GATB: variants seen among roughly 807,000 people sequenced by gnomAD.
GATB encodes glutamyl-tRNA amidotransferase subunit B.
Under a neutral mutation model 62.3 loss-of-function variants are expected in GATB, and 39 were observed. The observed-to-expected ratio is 0.63, with a 90% CI of 0.48 to 0.82. The LOEUF (loss-of-function observed/expected upper bound fraction) is 0.82. Ranked by LOEUF, GATB falls within the 40% of genes least tolerant of loss-of-function variation. GATB has a pLI of 0.00. For synonymous variants in GATB, 276 were observed against 258.9 expected, an observed-to-expected ratio of 1.07 and a Z score of -0.63; for missense variants, 670 against 684.0, an observed-to-expected ratio of 0.98 and a Z score of 0.23.
intron 2 of GATB, among the ~76,000 whole-genome samples, chr4:151,732,157 C>T (rs1420567215): frequency 6.6e-6 from 1 of 151,756 alleles, no homozygotes; most frequent in African/African-American, 2.4e-5. Flanking sequence ...GGCGCCTCTG[C>T]CCGGCCACCC....
In GATB at chr4:151,758,942, G is replaced by T; in HGVS notation, c.177-20C>A. 1 of 1,555,048 alleles carries T rather than the reference G, an allele frequency of 6.4e-7. No individual in the cohort carries two copies. Among genetic ancestry groups the T allele is most frequent in the Non-Finnish European group, 8.7e-7 (1 of 1,146,580 alleles). The stretch of plus-strand genomic sequence containing the variant: ...TGTTCACTAAGAAGAAAGAGATAAT[G>T]GTTAAGATGTATTATATTTGTCACC... On this transcript the variant is annotated intron_variant, in intron 1 of 12. Coordinates refer to ENST00000263985, the MANE Select transcript of GATB (RefSeq NM_004564.3).
rs749877831 is a variant in GATB, at chr4:151,687,337, G to C, written c.1331+1293C>G. ...GAATACGGCATCTTCCCTCACCCCC[G>C]GCCTATAAAGTTTATTCCTTTTCCT... On this transcript the variant is annotated intron_variant, in intron 10 of 12. Transcript: ENST00000263985. Among the ~76,000 whole-genome samples, 7 of 152,162 alleles carry C rather than the reference G, an allele frequency of 4.6e-5. No homozygotes were observed. The East Asian group carries it at 1.4e-3, about 29-fold the overall frequency.
chr4:151,688,836 C>A, intron 9 of GATB, 73 bp from the exon 10 acceptor site: 1 of 1,448,782 alleles, frequency 6.9e-7, no homozygotes. Flanking sequence ...GAAGGCAAAT[C>A]TGAAACTGTC....
intron 2 of GATB, 60 bp from the exon 3 acceptor site, chr4:151,719,598 A>T: frequency 8.9e-7 from 1 of 1,129,244 alleles, no homozygotes; most frequent in Non-Finnish European, 1.3e-6. Context: ...TGCTTCTCCC[A>T]CACACTGACA....
intron 9 of GATB, among the ~76,000 whole-genome samples, chr4:151,699,137 C>G (rs1738549277): frequency 6.6e-6 from 1 of 152,278 alleles, no homozygotes; most frequent in South Asian, 2.1e-4. Context: ...CACCTGTAAT[C>G]CCAGCACTTT....
At chr4:151,750,190 A>T (rs1421533146) in intron 2 of GATB, among the ~76,000 whole-genome samples, 2 of 152,192 alleles carry the variant, frequency 1.3e-5, no homozygotes, top group Non-Finnish European at 2.9e-5. Context: ...CCCTAACTTA[A>T]GTTTTTTAAA....
At chr4:151,712,451 T>C (rs2126975289) in intron 5 of GATB, among the ~76,000 whole-genome samples, 1 of 151,916 alleles carries the variant, frequency 6.6e-6, no homozygotes, top group East Asian at 1.9e-4. Flanking sequence ...ACAGCAAAAC[T>C]AAAAAAAACT....
intron 2 of GATB, among the ~76,000 whole-genome samples, chr4:151,725,445 A>AT (rs1431241305): frequency 3.9e-5 from 6 of 152,202 alleles, no homozygotes; most frequent in African/African-American, 1.2e-4. Context: ...TTTTCTTTTG[A>AT]TAAATAAACA....
rs1354541137 is a variant in GATB, at chr4:151,671,204, C to T, written c.1644G>A (p.Lys548=). The change falls in exon 13 of 13, where the codon AAG becomes AAA. Residue 548 remains lysine, a synonymous_variant. Transcript: ENST00000263985. ...TQSRADPVMI[K]EILEKKLSL ...ATGACAGCTTCTTCTCCAGGATCTCCTTTATCATGACTGGATCTGCTCGGC... is the reference window on the plus strand; with the variant it reads ...ATGACAGCTTCTTCTCCAGGATCTCTTTTATCATGACTGGATCTGCTCGGC... The T allele has an allele frequency of 1.9e-6, 3 of 1,614,058 alleles. No homozygotes were observed. The Admixed American group carries it at 5.0e-5, about 27-fold the overall frequency.
intron 10 of GATB, among the ~76,000 whole-genome samples, chr4:151,684,547 C>G (rs1738205976): frequency 6.6e-6 from 1 of 152,360 alleles, no homozygotes; most frequent in South Asian, 2.1e-4. Context: ...AGTTTTGCAG[C>G]TACTGCCCTT....
chr4:151,745,451 G>C (rs997209173), intron 2 of GATB, among the ~76,000 whole-genome samples: 2 of 152,210 alleles, frequency 1.3e-5, no homozygotes, highest in Admixed American at 1.3e-4. Context: ...GAGTCGGAAT[G>C]CTGCAGATTT....
chr4:151,751,936 A>T (rs1024149500), intron 2 of GATB, among the ~76,000 whole-genome samples: 1 of 152,106 alleles, frequency 6.6e-6, no homozygotes, highest in Non-Finnish European at 1.5e-5. Flanking sequence ...CAACGGTCTC[A>T]TGGTAGAGCT....
intron 9 of GATB, among the ~76,000 whole-genome samples, chr4:151,700,755 T>C (rs1738586141): frequency 6.6e-6 from 1 of 152,200 alleles, no homozygotes; most frequent in African/African-American, 2.4e-5. Flanking sequence ...TTGAAAAGGA[T>C]GGAAAATCCC....
chr4:151,721,521 T>C (rs1323162177), intron 2 of GATB: 1 of 152,326 alleles, frequency 6.6e-6, no homozygotes, highest in African/African-American at 2.4e-5. Flanking sequence ...ACATAGCTGG[T>C]GGAGAATCCC....
At chr4:151,717,434 C>G (rs1354074846) in intron 3 of GATB, 2 of 240,428 alleles carry the variant, frequency 8.3e-6, no homozygotes, top group Non-Finnish European at 1.6e-5. Flanking sequence ...AGCTCATTAG[C>G]CTAAACTCTG....
intron 5 of GATB, among the ~76,000 whole-genome samples, chr4:151,713,661 T>C (rs1281603519): frequency 3.3e-5 from 5 of 152,198 alleles, no homozygotes; most frequent in Non-Finnish European, 2.9e-5. Context: ...CAGCTAGAAG[T>C]TGCAGGACAG....
chr4:151,708,051 G>T lies in GATB; in HGVS notation c.814C>A (p.Pro272Thr), dbSNP rs138617444. 3 of 1,614,012 alleles carry T rather than the reference G, an allele frequency of 1.9e-6. No individual in the cohort carries two copies. The highest frequency in any genetic ancestry group is 2.7e-5 in the African/African-American group (2 of 74,918). ...ANISVHHPGE[P>T]LGVRTEVKNL... ...TTCACTTCCGTTCGAACGCCCAAAG[G>T]CTCCCCAGGGTGATGCACGGATATA... Residue 272 changes from proline (P) to threonine (T), a missense_variant, in exon 6 of 13, where the codon CCT becomes ACT. By Grantham distance (38) the Pro-to-Thr change is conservative. Coordinates refer to ENST00000263985, the MANE Select transcript of GATB (RefSeq NM_004564.3).
intron 2 of GATB, among the ~76,000 whole-genome samples, chr4:151,746,285 T>G (rs1739592438): frequency 6.6e-6 from 1 of 152,258 alleles, no homozygotes; most frequent in Non-Finnish European, 1.5e-5. Context: ...CTGGAAATAT[T>G]ACTTGGCCAA....
rs186666460 is a variant in GATB at position 151,696,516 on chromosome 4, A to C, written c.1197+4813T>G. 2.8e-3 allele frequency among the ~76,000 whole-genome samples: 428 copies of C among 152,370 alleles called. 1 individual carries two copies. Among genetic ancestry groups the C allele is most frequent in the African/African-American group, 9.9e-3 (410 of 41,592 alleles). On this transcript the variant is annotated intron_variant, in intron 9 of 12. Transcript: ENST00000263985. ...AAGCGGGCAGCAGAGCTTAGGAATGAAGAGCGTAGGCCTTGAAGTCAGCAT... is the reference window on the plus strand; with the variant it reads ...AAGCGGGCAGCAGAGCTTAGGAATGCAGAGCGTAGGCCTTGAAGTCAGCAT...
Sources: gnomAD v4.1 joint callset for allele counts (sites outside exome capture counted in the v4.1 genomes callset) on GRCh38, gnomAD v4.1.1 for gene constraint, MANE v1.5 for transcripts, NCBI Gene and HGNC (gene_info 2026-07-23, HGNC 2026-07-21) for gene names.